KASH5: variants seen among roughly 807,000 people sequenced by gnomAD.
KASH5 encodes the protein protein KASH5.
Under a neutral mutation model 84.2 loss-of-function variants are expected in KASH5, and 72 were observed. The ratio of observed to expected loss-of-function variants is 0.85; its 90% CI spans 0.71 to 1.04. The LOEUF is 1.04. KASH5 is among the 50% of genes least tolerant of loss of function. The probability of loss-of-function intolerance (pLI) is 0.00; values close to 1 mark genes in which losing one functional copy is unlikely to be tolerated. For missense variants in KASH5, 650 were observed against 701.0 expected (o/e 0.93, Z 0.82); for synonymous variants, 260 against 279.1 (o/e 0.93, Z 0.68).
chr19:49,390,703 A>C (rs995418478), intron 1 of KASH5, 86 bp from the exon 2 acceptor site: 4 of 583,190 alleles, frequency 6.9e-6, no homozygotes, highest in Non-Finnish European at 1.1e-5. Flanking sequence ...GTGAGGACCC[A>C]GAGGTCCTGG....
Position 49,394,578 on chromosome 19 carries a change from C to A in KASH5, c.146C>A (p.Thr49Lys), listed in dbSNP as rs1187511404. 6.2e-7 allele frequency: 1 copy of A among 1,612,416 alleles called. No homozygotes were observed. Among genetic ancestry groups the A allele is most frequent in the Admixed American group, 1.7e-5 (1 of 59,992 alleles). Residue 49 changes from threonine to lysine, a missense_variant and splice_region_variant, in exon 3 of 20, where the codon ACA becomes AAA. Coordinates refer to ENST00000447857, the MANE Select transcript of KASH5 (RefSeq NM_144688.5). ...STFEACDPQRTGTVAVAQVLA... is the reference protein window; with the variant it reads ...STFEACDPQRKGTVAVAQVLA... Reference sequence around the variant, plus strand: ...TTCGAAGCTTGTGACCCTCAGAGGACAGGTGGTGGGGGCATGAGGGGTGCT... The same window carrying A: ...TTCGAAGCTTGTGACCCTCAGAGGAAAGGTGGTGGGGGCATGAGGGGTGCT...
Position 49,399,839 on chromosome 19 carries a change from C to A in KASH5, c.798+332C>A. On this transcript the variant is annotated intron_variant, in intron 9 of 19. Coordinates refer to ENST00000447857, the MANE Select transcript of KASH5 (RefSeq NM_144688.5). This position sits in a 1 kb window ranked among gnomAD's most constrained non-coding sequence, Gnocchi z 4.4. ...TCAGTGGTTTGTGTGAGACTTCAAC[C>A]GAAGGATACTTGCAAAGTCTTGGGC... 1 of 420,724 alleles carries A rather than the reference C, an allele frequency of 2.4e-6. No homozygotes were observed. The highest frequency in any genetic ancestry group is 4.2e-6 in the Non-Finnish European group (1 of 239,632). The allele number at this position is 420,724 out of a possible 1,614,324, so 26.1% of individuals were successfully genotyped here.
intron 7 of KASH5, 44 bp downstream of exon 7, chr19:49,398,187 C>T (rs1175445731): frequency 2.6e-5 from 39 of 1,509,980 alleles, no homozygotes; most frequent in East Asian, 4.7e-5. Flanking sequence ...CCCCTGCCTC[C>T]GTCCTCCCTG....
chr19:49,415,008 C>A lies in KASH5; in HGVS notation c.1374+12C>A. 1.2e-6 allele frequency: 2 copies of A among 1,610,310 alleles called. No individual in the cohort carries two copies. Among genetic ancestry groups the A allele is most frequent in the East Asian group, 2.2e-5 (1 of 44,762 alleles). On this transcript the variant is annotated intron_variant, in intron 17 of 19. Coordinates refer to ENST00000447857, the MANE Select transcript of KASH5 (RefSeq NM_144688.5). ...AGAGCCAGGTCACGGTAGGCAGTCC[C>A]CAGCACCCCTCCCCAGTCCCCATCC...
intron 12 of KASH5, chr19:49,408,193 C>G: frequency 5.8e-6 from 1 of 173,312 alleles, no homozygotes; most frequent in Non-Finnish European, 1.3e-5. Flanking sequence ...GGATTACAGA[C>G]GTGAGCCACC....
In KASH5 at chr19:49,399,477, G is replaced by C; in HGVS notation, c.768G>C (p.Leu256=). 2 of 1,611,488 alleles carry C rather than the reference G, an allele frequency of 1.2e-6. No homozygotes were observed. The highest frequency in any genetic ancestry group is 2.2e-5 in the South Asian group (2 of 90,226). The change falls in exon 9 of 20, where the codon CTG becomes CTC. Residue 256 remains leucine, a synonymous_variant. Transcript: ENST00000447857. The surrounding 1 kb of genome is among the most constrained non-coding windows in gnomAD (Gnocchi z 4.4). ...GTCAGGAAAAGGAGCAGCAGCATCT[G>C]GTGGCTGAGATGGAGACTCTGCAGG... The part of the protein sequence containing the change: ...ARQAEKEQQH[L]VAEMETLQEE...
intron 11 of KASH5, 29 bp from the exon 12 acceptor site, chr19:49,407,583 C>T: frequency 6.4e-7 from 1 of 1,566,832 alleles, no homozygotes; most frequent in Non-Finnish European, 8.7e-7. Context: ...GAACTGGTCC[C>T]AGTCTCATTT....
chr19:49,400,349 GTTTCTTTTTTTTTTT>G (rs1467966211), intron 9 of KASH5, among the ~76,000 whole-genome samples: 3 of 134,826 alleles, frequency 2.2e-5, no homozygotes, highest in Admixed American at 1.5e-4. Flanking sequence ...TTTACTTTTA[GTTTCTTTTTTTTTTT>G]TTTCTTTTTT....
At chr19:49,406,825 G>C in intron 9 of KASH5, 61 bp from the exon 10 acceptor site, 1 of 1,423,318 alleles carries the variant, frequency 7.0e-7, no homozygotes. Context: ...GCAAATATCT[G>C]CTGTTAATTT....
intron 6 of KASH5, 61 bp downstream of exon 6, chr19:49,397,778 C>T (rs776901358): frequency 8.3e-6 from 13 of 1,572,836 alleles, no homozygotes; most frequent in South Asian, 7.8e-5. Flanking sequence ...TCCAGCCTGC[C>T]GAGGCCCGGG....
At chr19:49,409,662 T>C (rs1974648564) in intron 14 of KASH5, 91 bp from the exon 15 acceptor site, 6 of 1,535,382 alleles carry the variant, frequency 3.9e-6, no homozygotes, top group Non-Finnish European at 5.4e-6. Context: ...CATCCTATTT[T>C]CAGCCGCACA....
chr19:49,406,687 T>C (rs1173742990), intron 9 of KASH5, among the ~76,000 whole-genome samples, 199 bp from the exon 10 acceptor site: 1 of 152,172 alleles, frequency 6.6e-6, no homozygotes, highest in East Asian at 1.9e-4. Flanking sequence ...GCTCCATTTT[T>C]ATAGATGGGG....
intron 2 of KASH5, among the ~76,000 whole-genome samples, chr19:49,391,510 A>G (rs1342081420): frequency 1.3e-5 from 2 of 152,246 alleles, no homozygotes; most frequent in Non-Finnish European, 2.9e-5. Context: ...AATACCCTGT[A>G]TATTATATAT....
In KASH5 at chr19:49,415,134, A is replaced by G. The variant is rs570033890; in HGVS notation, c.1374+138A>G. 5 of 856,968 alleles carry G rather than the reference A, an allele frequency of 5.8e-6. No individual in the cohort carries two copies. The African/African-American group carries it at 8.4e-5, about 14-fold the overall frequency. The allele number at this position is 856,968 out of a possible 1,614,324, so 53.1% of individuals were successfully genotyped here. A position where few individuals can be genotyped will look rare whatever the true frequency, so the allele number is the denominator to read the frequency against. Reference sequence around the variant, plus strand: ...GAGAGAAAAATCATTTGGCCAAGAGATAACAAGGCCTTTGCTGTAGCTAAT... The same window carrying G: ...GAGAGAAAAATCATTTGGCCAAGAGGTAACAAGGCCTTTGCTGTAGCTAAT... On this transcript the variant is annotated intron_variant, in intron 17 of 19. Transcript: ENST00000447857.
chr19:49,404,409 T>C (rs1039861709), intron 9 of KASH5, among the ~76,000 whole-genome samples: 1 of 152,234 alleles, frequency 6.6e-6, no homozygotes, highest in African/African-American at 2.4e-5. Context: ...TCCCATTTCA[T>C]GGCTGGCATG....
At chr19:49,396,210 T>G (rs1974171293) in intron 5 of KASH5, among the ~76,000 whole-genome samples, 1 of 150,692 alleles carries the variant, frequency 6.6e-6, no homozygotes, top group African/African-American at 2.4e-5. Flanking sequence ...CTCAGGCTGT[T>G]CCCCTCCACT....
chr19:49,407,263 C>G lies in KASH5; in HGVS notation c.900C>G (p.His300Gln). Reference sequence around the variant, plus strand: ...AGCGGCAGCTCTTTGAGTGTGAACACCTCATTTGCCAAAGAGACACCATCC... The same window carrying G: ...AGCGGCAGCTCTTTGAGTGTGAACAGCTCATTTGCCAAAGAGACACCATCC... ...TLKRQLFECE[H>Q]LICQRDTILS... Residue 300 changes from histidine to glutamine, a missense_variant, in exon 11 of 20, where the codon CAC becomes CAG. His to Gln is a conservative substitution (Grantham distance 24). Transcript: ENST00000447857. 1 of 1,613,872 alleles carries G rather than the reference C, an allele frequency of 6.2e-7. No homozygotes were observed. The highest frequency in any genetic ancestry group is 8.5e-7 in the Non-Finnish European group (1 of 1,179,834).
Position 49,395,248 on chromosome 19 carries a change from C to T in KASH5, c.291C>T (p.Phe97=). ...AGGCCACTGTGGACTTGGACACTTT[C>T]CTGGTTGTCATGCGTGACTGGATTG... The part of the protein sequence containing the change: ...GPKATVDLDT[F]LVVMRDWIAA... The change falls in exon 4 of 20, where the codon TTC becomes TTT. Residue 97 remains phenylalanine, a synonymous_variant. Coordinates refer to ENST00000447857, the MANE Select transcript of KASH5 (RefSeq NM_144688.5). The surrounding 1 kb of genome is among the most constrained non-coding windows in gnomAD (Gnocchi z 4.4). 1.2e-6 allele frequency: 2 copies of T among 1,613,110 alleles called. No homozygotes were observed. Among genetic ancestry groups the T allele is most frequent in the South Asian group, 2.2e-5 (2 of 90,990 alleles).
chr19:49,417,765 G>A lies in KASH5; in HGVS notation c.*255G>A. The stretch of plus-strand genomic sequence containing the variant: ...TCACAAAACAAGCCTGGCGAGGGCA[G>A]CTGTGGGCACACAGCTAAGTCTCGG... On this transcript the variant is annotated 3_prime_UTR_variant, in exon 20 of 20. Coordinates refer to ENST00000447857, the MANE Select transcript of KASH5 (RefSeq NM_144688.5). The surrounding 1 kb of genome is among the most constrained non-coding windows in gnomAD (Gnocchi z 5.2). 2.4e-6 allele frequency: 1 copy of A among 421,694 alleles called. No homozygotes were observed. The highest frequency in any genetic ancestry group is 4.0e-6 in the Non-Finnish European group (1 of 249,514). 26.1% of individuals were successfully genotyped at this position (421,694 alleles called of 1,614,324 possible). A position where few individuals can be genotyped will look rare whatever the true frequency, so the allele number is the denominator to read the frequency against.
Sources: allele counts gnomAD v4.1 joint callset (sites outside exome capture counted in the v4.1 genomes callset), GRCh38; gene constraint gnomAD v4.1.1; non-coding constraint Gnocchi (gnomAD v3.1); transcripts MANE v1.5; gene names NCBI Gene and HGNC (gene_info 2026-07-23, HGNC 2026-07-21).